Variants in ING5 observed in about 807,000 individuals in gnomAD.
ING5 encodes inhibitor of growth protein 5.
In ING5, 17 loss-of-function variants were observed where a neutral mutation model predicts 37.4. The ratio of observed to expected loss-of-function variants is 0.45; its 90% CI spans 0.31 to 0.68. The LOEUF (loss-of-function observed/expected upper bound fraction) is 0.68. Ranked by LOEUF, ING5 falls within the 30% of genes least tolerant of loss-of-function variation. The pLI is 0.05. For missense variants in ING5, 233 were observed against 311.9 expected (o/e 0.75, Z 1.91); for synonymous variants, 123 against 116.6 (o/e 1.06, Z -0.36).
At chr2:241,720,043 G>A in intron 5 of ING5, 1 of 1,241,556 alleles carries the variant, frequency 8.1e-7, no homozygotes, top group Non-Finnish European at 1.0e-6. Context: ...CTGAAGCTGG[G>A]CTCTGACGTC....
upstream of ING5, among the ~76,000 whole-genome samples, chr2:241,700,379 A>G (rs1263298773): frequency 1.3e-5 from 2 of 151,716 alleles, no homozygotes; most frequent in Middle Eastern, 3.4e-3. Context: ...GGATGGTCTC[A>G]ATCTCCTGAC....
chr2:241,712,754 G>A (rs1186606873), intron 5 of ING5, among the ~76,000 whole-genome samples: 1 of 152,052 alleles, frequency 6.6e-6, no homozygotes, highest in Non-Finnish European at 1.5e-5. Context: ...TTTTGGGCAC[G>A]GTAGCTCATG....
chr2:241,711,625 G>T (rs2070114165), intron 4 of ING5, 137 bp downstream of exon 4: 1 of 693,722 alleles, frequency 1.4e-6, no homozygotes, highest in East Asian at 2.9e-5. Context: ...TGCAGGCTGG[G>T]TGTGGTGGCT....
At chr2:241,693,718 C>G (rs188554544) in intron 2 of ING5, among the ~76,000 whole-genome samples, 1 of 126,504 alleles carries the variant, frequency 7.9e-6, no homozygotes, top group African/African-American at 3.0e-5. Context: ...AGTGCAATGG[C>G]GCAGTCTCGG....
exon 2 of ING5, chr2:241,689,991 C>T (rs1385144377): frequency 6.6e-6 from 1 of 151,846 alleles, no homozygotes; most frequent in Non-Finnish European, 1.5e-5. Flanking sequence ...GACCACCTTC[C>T]CGGGGCTGGG....
intron 5 of ING5, chr2:241,712,513 T>C (rs1228996324): frequency 6.4e-6 from 1 of 155,320 alleles, no homozygotes; most frequent in Non-Finnish European, 1.4e-5. Context: ...TCATTGTTAA[T>C]TATGTGGCCA....
chr2:241,727,185 C>T lies in ING5; in HGVS notation c.*2154C>T, dbSNP rs1343982882. ...CTCCTGGGGTCAAATGATCCGCCTG[C>T]GTCGGCTTCCCAGAGTGCTGGGATT... On this transcript the variant is annotated 3_prime_UTR_variant, in exon 8 of 8. Transcript: ENST00000313552. 3 of 152,198 alleles carry T rather than the reference C, an allele frequency of 2.0e-5. No individual in the cohort carries two copies. Among genetic ancestry groups the T allele is most frequent in the African/African-American group, 4.8e-5 (2 of 41,440 alleles). 9.4% of individuals were successfully genotyped at this position (152,198 alleles called of 1,614,324 possible). A position where few individuals can be genotyped will look rare whatever the true frequency, so the allele number is the denominator to read the frequency against.
chr2:241,700,978 C>CT (rs71049600), upstream of ING5, among the ~76,000 whole-genome samples: 64,284 of 140,692 alleles, frequency 0.46, 15,750 homozygotes, highest in East Asian at 0.61. Flanking sequence ...TTAAAATTTT[C>CT]TTTTTTTTTT....
intron 2 of ING5, among the ~76,000 whole-genome samples, chr2:241,705,948 T>A (rs147154306): frequency 6.6e-6 from 1 of 151,470 alleles, no homozygotes; most frequent in Non-Finnish European, 1.5e-5. Flanking sequence ...CACTGAGCCA[T>A]GCCACCTGCT....
At chr2:241,720,158 G>T (rs2070394238) in intron 5 of ING5, 3 of 1,236,746 alleles carry the variant, frequency 2.4e-6, no homozygotes, top group Non-Finnish European at 2.0e-6. Flanking sequence ...TGGCCTGCCG[G>T]GGCGGGAGTG....
intron 2 of ING5, among the ~76,000 whole-genome samples, chr2:241,693,652 C>CTTTTTTTTT (rs1185556171): frequency 1.9e-4 from 15 of 78,564 alleles, no homozygotes; most frequent in Non-Finnish European, 3.2e-4. Context: ...AAATACAACT[C>CTTTTTTTTT]TTTTTTTTTT....
chr2:241,695,650 C>T (rs754903311), intron 2 of ING5, among the ~76,000 whole-genome samples: 2 of 152,160 alleles, frequency 1.3e-5, no homozygotes, highest in Non-Finnish European at 2.9e-5. Flanking sequence ...CGCGCCACCA[C>T]ACTCCAGCCT....
chr2:241,705,451 G>A (rs1221808242), intron 2 of ING5, among the ~76,000 whole-genome samples: 1 of 138,768 alleles, frequency 7.2e-6, no homozygotes, highest in African/African-American at 2.8e-5. Context: ...AGGCTAGAGT[G>A]CAGTGGCACG....
chr2:241,691,878 A>T (rs1302038898), intron 2 of ING5, among the ~76,000 whole-genome samples: 1 of 152,024 alleles, frequency 6.6e-6, no homozygotes, highest in African/African-American at 2.4e-5. Context: ...ACATAGACTT[A>T]TTTGTAGATT....
intron 2 of ING5, among the ~76,000 whole-genome samples, chr2:241,705,389 T>TC (rs375741771): frequency 3.8e-5 from 5 of 131,570 alleles, no homozygotes; most frequent in East Asian, 5.3e-4. Context: ...TAACTCTGTT[T>TC]TTTTCTTTTT....
At position 241,712,496 on chromosome 2, in the gene ING5, C is replaced by CAT. The variant is rs1299784115; in HGVS notation, c.482+430_482+431dup. ...ATTTTATGTGTCAACATATAGTGTGCATATATTCATTGTTAATTATGTGGC... is the reference window on the plus strand; with the variant it reads ...ATTTTATGTGTCAACATATAGTGTGCATATATATTCATTGTTAATTATGTGGC... On this transcript the variant is annotated intron_variant, in intron 5 of 7. Transcript: ENST00000313552. The CAT allele has an allele frequency of 2.7e-4, 43 of 157,630 alleles. 1 individual carries two copies. Among genetic ancestry groups the CAT allele is most frequent in the Non-Finnish European group, 9.8e-5 (7 of 71,696 alleles). The allele number at this position is 157,630 out of a possible 1,614,324, so 9.8% of individuals were successfully genotyped here.
chr2:241,697,724 C>A (rs1265613865), upstream of ING5, among the ~76,000 whole-genome samples: 1 of 152,060 alleles, frequency 6.6e-6, no homozygotes, highest in Non-Finnish European at 1.5e-5. Flanking sequence ...TTTAGGGCCA[C>A]AAAACTATGC....
intron 2 of ING5, among the ~76,000 whole-genome samples, chr2:241,695,186 C>T (rs2069614084): frequency 6.6e-6 from 1 of 151,616 alleles, no homozygotes; most frequent in Non-Finnish European, 1.5e-5. Flanking sequence ...GTCACAAGAG[C>T]CGGTGGCTTC....
At position 241,725,210 on chromosome 2, in the gene ING5, G is replaced by A; in HGVS notation, c.*179G>A. On this transcript the variant is annotated 3_prime_UTR_variant, in exon 8 of 8. Transcript: ENST00000313552. ...CCAAAGCCTGTTCGCACAGAAGGGC[G>A]ACCTTGCAGGGACTCGCCGCCGCGA... The A allele has an allele frequency of 1.5e-6, 1 of 675,530 alleles. No homozygotes were observed. The highest frequency in any genetic ancestry group is 2.7e-5 in the East Asian group (1 of 36,378). The allele number at this position is 675,530 out of a possible 1,614,324, so 41.8% of individuals were successfully genotyped here.
Sources: allele counts gnomAD v4.1 joint callset (sites outside exome capture counted in the v4.1 genomes callset), GRCh38; gene constraint gnomAD v4.1.1; transcripts MANE v1.5; gene names NCBI Gene and HGNC (gene_info 2026-07-23, HGNC 2026-07-21).